DLG2: variants seen among roughly 807,000 people sequenced by gnomAD.
The protein encoded by DLG2 is disks large homolog 2.
Under a neutral mutation model 132.5 loss-of-function variants are expected in DLG2, and 45 were observed. The observed-to-expected ratio is 0.34, with a 90% CI of 0.27 to 0.44. The LOEUF (loss-of-function observed/expected upper bound fraction) is 0.44. Ranked by LOEUF, DLG2 falls within the 20% of genes least tolerant of loss-of-function variation. The pLI, the probability that DLG2 is intolerant of heterozygous loss-of-function variation, is 1.00. For missense variants in DLG2, 1,045 were observed against 1,196.9 expected (o/e 0.87, Z 1.87); for synonymous variants, 424 against 419.6 (o/e 1.01, Z -0.13).
intron 7 of DLG2, among the ~76,000 whole-genome samples, chr11:84,334,336 G>A (rs2098474305): frequency 6.6e-6 from 1 of 152,130 alleles, no homozygotes; most frequent in South Asian, 2.1e-4. Flanking sequence ...TGCAAGTTTG[G>A]AGGTTTTAGG....
Position 84,424,315 on chromosome 11 carries a change from A to G in DLG2, c.519+110255T>C, listed in dbSNP as rs1393669789. On this transcript the variant is annotated intron_variant, in intron 7 of 27. Transcript: ENST00000376104. The stretch of plus-strand genomic sequence containing the variant: ...GAGCATGTGATTACAAAGTTGTTCA[A>G]AATAGTCCTACTACAGGTCAAAATC... Among the ~76,000 whole-genome samples, 4 of 152,128 alleles carry G rather than the reference A, an allele frequency of 2.6e-5. No homozygotes were observed. In the East Asian group the frequency reaches 7.7e-4, roughly 29 times the overall value.
chr11:83,729,340 G>A (rs2090571538), intron 18 of DLG2, among the ~76,000 whole-genome samples: 1 of 152,174 alleles, frequency 6.6e-6, no homozygotes, highest in South Asian at 2.1e-4. Flanking sequence ...TGTGGTACTT[G>A]TGACAGTTAC....
intron 19 of DLG2, among the ~76,000 whole-genome samples, chr11:83,583,212 T>G (rs2145030177): frequency 6.6e-6 from 1 of 152,358 alleles, no homozygotes; most frequent in Middle Eastern, 3.4e-3. Context: ...AAAATATTCT[T>G]TGAATGCTAA....
chr11:85,558,276 T>C (rs2077041469), intron 3 of DLG2, among the ~76,000 whole-genome samples: 1 of 151,866 alleles, frequency 6.6e-6, no homozygotes, highest in Non-Finnish European at 1.5e-5. Context: ...CTAGTCAGAA[T>C]GGCTATTTTT....
chr11:83,541,981 A>G, intron 19 of DLG2, 123 bp from the exon 20 acceptor site: 1 of 897,312 alleles, frequency 1.1e-6, no homozygotes. Flanking sequence ...AACTCCCGGA[A>G]TGATTCCCTG....
At chr11:83,753,136 C>T (rs2093406232) in intron 18 of DLG2, among the ~76,000 whole-genome samples, 1 of 152,138 alleles carries the variant, frequency 6.6e-6, no homozygotes, top group African/African-American at 2.4e-5. Context: ...AAACTCAGAT[C>T]TCATGGCCGG....
intron 7 of DLG2, among the ~76,000 whole-genome samples, chr11:84,325,854 T>C (rs1293997943): frequency 6.6e-6 from 1 of 152,190 alleles, no homozygotes; most frequent in Non-Finnish European, 1.5e-5. Flanking sequence ...TTGGTAGAAT[T>C]TACCAGTGAA....
At chr11:84,824,369 CA>C (rs1156891192) in intron 6 of DLG2, among the ~76,000 whole-genome samples, 2 of 151,378 alleles carry the variant, frequency 1.3e-5, no homozygotes, top group Non-Finnish European at 1.5e-5. Flanking sequence ...ACATAGCTAA[CA>C]AAAAAAGAGA....
At chr11:83,898,120 G>C (rs1019565852) in intron 15 of DLG2, among the ~76,000 whole-genome samples, 1 of 151,994 alleles carries the variant, frequency 6.6e-6, no homozygotes, top group Non-Finnish European at 1.5e-5. Flanking sequence ...GCAGATAAAA[G>C]TATCCTTTAG....
intron 18 of DLG2, among the ~76,000 whole-genome samples, chr11:83,657,907 C>T (rs1017391834): frequency 1.3e-5 from 2 of 152,106 alleles, no homozygotes; most frequent in Non-Finnish European, 2.9e-5. Context: ...CAATAGTTGC[C>T]TATAAAAAAT....
chr11:85,562,323 G>A (rs2077298605), intron 3 of DLG2, among the ~76,000 whole-genome samples: 1 of 151,738 alleles, frequency 6.6e-6, no homozygotes, highest in African/African-American at 2.4e-5. Flanking sequence ...ATTTAATTTA[G>A]AGCTAAGAAT....
chr11:84,097,474 C>T (rs2154177130), intron 10 of DLG2, among the ~76,000 whole-genome samples: 1 of 152,324 alleles, frequency 6.6e-6, no homozygotes, highest in East Asian at 1.9e-4. Flanking sequence ...CCCCACTCCA[C>T]AGCTCTTTGG....
intron 5 of DLG2, among the ~76,000 whole-genome samples, chr11:85,145,785 T>A (rs189849300): frequency 1.3e-5 from 2 of 152,208 alleles, no homozygotes; most frequent in African/African-American, 4.8e-5. Context: ...TATTTTTAAT[T>A]CTGTTTCTGA....
chr11:83,638,161 T>C (rs1421583143), intron 18 of DLG2, among the ~76,000 whole-genome samples: 2 of 152,144 alleles, frequency 1.3e-5, no homozygotes, highest in Non-Finnish European at 2.9e-5. Flanking sequence ...TTTCTCCACC[T>C]CTATATATGA....
At chr11:84,232,534 G>A (rs903775977) in intron 8 of DLG2, among the ~76,000 whole-genome samples, 1 of 152,108 alleles carries the variant, frequency 6.6e-6, no homozygotes, top group Non-Finnish European at 1.5e-5. Context: ...TTTCAGATGG[G>A]GACAATGGGA....
intron 7 of DLG2, among the ~76,000 whole-genome samples, chr11:84,439,313 T>C (rs1602138408): frequency 6.6e-6 from 1 of 152,224 alleles, no homozygotes; most frequent in African/African-American, 2.4e-5. Flanking sequence ...ATGATCATTA[T>C]TGTGGGTCTT....
chr11:84,833,964 T>C (rs1394409830), intron 6 of DLG2, among the ~76,000 whole-genome samples: 5 of 151,732 alleles, frequency 3.3e-5, no homozygotes, highest in Non-Finnish European at 7.4e-5. Flanking sequence ...ACGCCTACCA[T>C]ATGCTAACTT....
chr11:85,373,134 C>T (rs556135508), intron 3 of DLG2, among the ~76,000 whole-genome samples: 3 of 152,262 alleles, frequency 2.0e-5, no homozygotes, highest in African/African-American at 4.8e-5. Context: ...GAAGGGAACC[C>T]GGAAGTCCAA....
rs1297996587 is a variant in DLG2 at position 84,261,581 on chromosome 11, CTGAA to C, written c.520-10294_520-10291del. On this transcript the variant is annotated intron_variant, in intron 7 of 27. Coordinates refer to ENST00000376104, the MANE Select transcript of DLG2 (RefSeq NM_001142699.3). ...TGTGAAAGCACTAAACCCTGACATTCTGAATGAATATTTCTTTATATTTTTATAC... is the reference window on the plus strand; with the variant it reads ...TGTGAAAGCACTAAACCCTGACATTCTGAATATTTCTTTATATTTTTATAC... Among the ~76,000 whole-genome samples the C allele has an allele frequency of 3.3e-5, 5 of 152,304 alleles. No homozygotes were observed. In the East Asian group the frequency reaches 7.7e-4, roughly 23 times the overall value.
Sources: gnomAD v4.1 joint callset for allele counts (sites outside exome capture counted in the v4.1 genomes callset) on GRCh38, gnomAD v4.1.1 for gene constraint, MANE v1.5 for transcripts, NCBI Gene and HGNC (gene_info 2026-07-23, HGNC 2026-07-21) for gene names.